The following ARHGAP23 variants were observed in gnomAD, a reference collection of about 807,000 sequenced individuals.
ARHGAP23 encodes Rho GTPase activating protein 23.
In ARHGAP23, 34 loss-of-function variants were observed where a neutral mutation model predicts 136.3. The ratio of observed to expected loss-of-function variants is 0.25; its 90% CI spans 0.19 to 0.33. ARHGAP23 has a LOEUF of 0.33. Ranked by LOEUF, ARHGAP23 falls within the 10% of genes least tolerant of loss-of-function variation. The pLI is 1.00. For missense variants in ARHGAP23, 1,808 were observed against 2,139.0 expected, an observed-to-expected ratio of 0.85 and a Z score of 3.05; for synonymous variants, 832 against 920.5, an observed-to-expected ratio of 0.90 and a Z score of 1.74.
chr17:38,479,873 A>G lies in ARHGAP23; in HGVS notation c.2619A>G (p.Ala873=). ...ARGLRTQDLP[A]GSKDDSAAAP... ...GCCTCAGGACTCAGGACCTGCCCGC[A>G]GGGAGCAAGGGTAGGAAGGTGGCCA... The change falls in exon 14 of 24, where the codon GCA becomes GCG. Residue 873 remains alanine, a synonymous_variant. Transcript: ENST00000622683. The G allele has an allele frequency of 8.4e-6, 11 of 1,315,574 alleles. No homozygotes were observed. Among genetic ancestry groups the G allele is most frequent in the Non-Finnish European group, 1.1e-5 (11 of 1,000,186 alleles). The allele number at this position is 1,315,574 out of a possible 1,614,324, so 81.5% of individuals were successfully genotyped here. A position where few individuals can be genotyped will look rare whatever the true frequency, so the allele number is the denominator to read the frequency against.
At chr17:38,419,784 A>G (rs2038501154) in intron 1 of ARHGAP23, among the ~76,000 whole-genome samples, 1 of 152,038 alleles carries the variant, frequency 6.6e-6, no homozygotes. Context: ...ACTCTGCAGA[A>G]TGAAGGAGTG....
intron 7 of ARHGAP23, among the ~76,000 whole-genome samples, chr17:38,467,583 CTCTT>C (rs2039641900): frequency 6.6e-6 from 1 of 152,100 alleles, no homozygotes; most frequent in Non-Finnish European, 1.5e-5. Context: ...TTTCCACGCA[CTCTT>C]TCTTTTTTCC....
Position 38,477,621 on chromosome 17 carries a change from G to A in ARHGAP23, c.2161G>A (p.Ala721Thr), listed in dbSNP as rs1403753923. 1.1e-5 allele frequency: 14 copies of A among 1,273,140 alleles called. No individual in the cohort carries two copies. The highest frequency in any genetic ancestry group is 1.4e-5 in the Non-Finnish European group (14 of 1,004,228). The allele number at this position is 1,273,140 out of a possible 1,614,324, so 78.9% of individuals were successfully genotyped here. Residue 721 changes from alanine to threonine, a missense_variant, in exon 12 of 24, where the codon GCG becomes ACG. Physicochemically the swap from Ala to Thr is moderately conservative, Grantham distance 58. Around this residue, in one of 7 missense-constraint regions of ARHGAP23, gnomAD observed 139 missense variants for 264.3 expected, o/e 0.53. Transcript: ENST00000622683. The surrounding 1 kb of genome is among the most constrained non-coding windows in gnomAD (Gnocchi z 6.6). ...GLRQWKRVYA[A>T]LRARSLSLSK... Reference sequence around the variant, plus strand: ...GCGCCAGTGGAAGCGGGTGTACGCCGCGCTGCGGGCGCGCTCGCTCTCGCT... The same window carrying A: ...GCGCCAGTGGAAGCGGGTGTACGCCACGCTGCGGGCGCGCTCGCTCTCGCT...
rs1019629991 is a variant in ARHGAP23, at chr17:38,511,058, C to T, written c.*86C>T. The T allele has an allele frequency of 4.6e-6, 6 of 1,304,470 alleles. No homozygotes were observed. The highest frequency in any genetic ancestry group is 5.9e-6 in the Non-Finnish European group (6 of 1,012,034). 80.8% of individuals were successfully genotyped at this position (1,304,470 alleles called of 1,614,324 possible). A position where few individuals can be genotyped will look rare whatever the true frequency, so the allele number is the denominator to read the frequency against. On this transcript the variant is annotated 3_prime_UTR_variant, in exon 24 of 24. Transcript: ENST00000622683. ...GCTTCACCAGCCTGCACCTCCTCTT[C>T]TGTGGCCCCTGGGTGCATGGTGTGG...
chr17:38,466,454 C>T lies in ARHGAP23; in HGVS notation c.771C>T (p.Phe257=), dbSNP rs1319727062. The T allele has an allele frequency of 6.6e-7, 1 of 1,523,646 alleles. No individual in the cohort carries two copies. The highest frequency in any genetic ancestry group is 8.8e-7 in the Non-Finnish European group (1 of 1,138,138). The allele number at this position is 1,523,646 out of a possible 1,614,324, so 94.4% of individuals were successfully genotyped here. The change falls in exon 7 of 24, where the codon TTC becomes TTT. Residue 257 remains phenylalanine, a synonymous_variant. Coordinates refer to ENST00000622683, the MANE Select transcript of ARHGAP23 (RefSeq NM_001199417.2). ...MSQPRPSPGA[F]PHLSSEPRTP... ...AGCCCCGCCCCAGCCCTGGTGCCTTCCCCCACCTCTCCTCGGAGCCCCGGA... is the reference window on the plus strand; with the variant it reads ...AGCCCCGCCCCAGCCCTGGTGCCTTTCCCCACCTCTCCTCGGAGCCCCGGA...
intron 20 of ARHGAP23, among the ~76,000 whole-genome samples, chr17:38,493,006 G>C (rs1376699651): frequency 6.6e-6 from 1 of 152,194 alleles, no homozygotes; most frequent in African/African-American, 2.4e-5. Context: ...GGAGGAAGGA[G>C]GCCAAAGCCC....
rs2040723704 is a variant in ARHGAP23 at position 38,510,180 on chromosome 17, C to T, written c.3684C>T (p.Arg1228=). 1 of 1,336,178 alleles carries T rather than the reference C, an allele frequency of 7.5e-7. No individual in the cohort carries two copies. Among genetic ancestry groups the T allele is most frequent in the Non-Finnish European group, 9.5e-7 (1 of 1,048,066 alleles). The allele number at this position is 1,336,178 out of a possible 1,614,324, so 82.8% of individuals were successfully genotyped here. ...CCGTCGCCCCCGAGGCCCCCGGACG[C>T]CTCAGTCCCCCGGCGGCGCCGGAGG... ...PGAVAPEAPG[R]LSPPAAPEER... The change falls in exon 24 of 24, where the codon CGC becomes CGT. Residue 1228 remains arginine, a synonymous_variant. Coordinates refer to ENST00000622683, the MANE Select transcript of ARHGAP23 (RefSeq NM_001199417.2). The surrounding 1 kb of genome is among the most constrained non-coding windows in gnomAD (Gnocchi z 4.6).
chr17:38,482,262 A>G, intron 15 of ARHGAP23, 119 bp downstream of exon 15: 2 of 1,481,286 alleles, frequency 1.4e-6, no homozygotes, highest in Non-Finnish European at 1.8e-6. Context: ...CAGCTGGGAA[A>G]ACAGCCCAGA....
intron 1 of ARHGAP23, among the ~76,000 whole-genome samples, chr17:38,444,571 C>G (rs896703728): frequency 6.6e-6 from 1 of 152,168 alleles, no homozygotes; most frequent in Non-Finnish European, 1.5e-5. Context: ...ATGGCAGCCT[C>G]TGTGGATGGC....
intron 21 of ARHGAP23, among the ~76,000 whole-genome samples, chr17:38,498,113 G>A (rs530694253): frequency 3.3e-5 from 5 of 152,318 alleles, no homozygotes; most frequent in African/African-American, 1.2e-4. Flanking sequence ...CCAGGCTACT[G>A]AGAAGGACTT....
intron 3 of ARHGAP23, 53 bp downstream of exon 3, chr17:38,460,985 C>A: frequency 1.3e-6 from 2 of 1,528,872 alleles, no homozygotes; most frequent in Non-Finnish European, 1.8e-6. Context: ...CTTCCAGCTC[C>A]TGTCTCTCCC....
intron 1 of ARHGAP23, 71 bp downstream of exon 1, chr17:38,428,619 G>A: frequency 9.1e-7 from 1 of 1,094,088 alleles, no homozygotes; most frequent in Non-Finnish European, 1.2e-6. Context: ...AGCCAGGGTC[G>A]CTGCGACCCC....
intron 17 of ARHGAP23, among the ~76,000 whole-genome samples, chr17:38,487,312 G>A (rs1296250533): frequency 6.6e-6 from 1 of 152,188 alleles, no homozygotes; most frequent in Non-Finnish European, 1.5e-5. Context: ...CTCCTCTATT[G>A]ATGGATATTT....
chr17:38,474,007 G>T (rs758887494), intron 11 of ARHGAP23, among the ~76,000 whole-genome samples: 1 of 152,016 alleles, frequency 6.6e-6, no homozygotes, highest in Non-Finnish European at 1.5e-5. Context: ...TGCAACCTCC[G>T]CCCCCCAGGT....
At chr17:38,503,709 T>G (rs1446395421) in intron 23 of ARHGAP23, among the ~76,000 whole-genome samples, 2 of 152,238 alleles carry the variant, frequency 1.3e-5, no homozygotes. Flanking sequence ...CTTCCCAGTC[T>G]GGGCCTGCCT....
chr17:38,474,839 G>C (rs1422450146), intron 11 of ARHGAP23, among the ~76,000 whole-genome samples: 1 of 152,184 alleles, frequency 6.6e-6, no homozygotes, highest in African/African-American at 2.4e-5. Flanking sequence ...ATGAGGCAAG[G>C]AGGGACCAGC....
chr17:38,481,141 A>AATTTTTTTTTTTT (rs2040030094), intron 14 of ARHGAP23, among the ~76,000 whole-genome samples: 1 of 149,910 alleles, frequency 6.7e-6, no homozygotes, highest in Admixed American at 6.6e-5. Flanking sequence ...ACGCCCGGCT[A>AATTTTTTTTTTTT]ATTTTTTTTT....
intron 23 of ARHGAP23, among the ~76,000 whole-genome samples, chr17:38,502,077 G>A (rs1321939841): frequency 1.6e-4 from 24 of 152,320 alleles, no homozygotes; most frequent in South Asian, 2.1e-4. Context: ...GGGAGGCTGA[G>A]GTCGGATCTT....
At chr17:38,449,927 TC>T (rs2039122655) in intron 1 of ARHGAP23, among the ~76,000 whole-genome samples, 1 of 152,184 alleles carries the variant, frequency 6.6e-6, no homozygotes, top group Admixed American at 6.5e-5. Context: ...TCAGTTTCCT[TC>T]TTGCTCCTAT....
Sources: gnomAD v4.1 joint callset for allele counts (sites outside exome capture counted in the v4.1 genomes callset) on GRCh38, gnomAD v4.1.1 for gene constraint, gnomAD v4.1.1 regional missense constraint, Gnocchi (gnomAD v3.1) non-coding constraint, MANE v1.5 for transcripts, NCBI Gene and HGNC (gene_info 2026-07-23, HGNC 2026-07-21) for gene names.